The following ANGPT2 variants were observed in gnomAD, a reference collection of about 807,000 sequenced individuals.
ANGPT2 encodes the protein angiopoietin 2.
ANGPT2 carries 28 observed loss-of-function variants against 62.9 expected under a neutral mutation model. That is an observed-to-expected ratio of 0.44 (90% CI 0.33 to 0.61). The LOEUF (loss-of-function observed/expected upper bound fraction) is 0.61. ANGPT2 is among the 20% of genes least tolerant of loss of function. The pLI, the probability that ANGPT2 is intolerant of heterozygous loss-of-function variation, is 0.03. For synonymous variants in ANGPT2, 284 were observed against 207.8 expected (o/e 1.37, Z -3.15); for missense variants, 727 against 594.9 (o/e 1.22, Z -2.31).
chr8:6,505,255 A>ATATAGAATATATATATATATTAT (rs1813131542), intron 8 of ANGPT2, among the ~76,000 whole-genome samples: 1 of 21,220 alleles, frequency 4.7e-5, no homozygotes, highest in Admixed American at 7.6e-4. Flanking sequence ...TATTCTTTAT[A>ATATAGAATATATATATATATTAT]TATGTTTTAT....
At chr8:6,522,144 G>A (rs2515446) in intron 3 of ANGPT2, among the ~76,000 whole-genome samples, 65,457 of 151,706 alleles carry the variant, frequency 0.43, 14,324 homozygotes, top group Middle Eastern at 0.51. Context: ...TCACGAGGTC[G>A]GGAGATTGAG....
intron 1 of ANGPT2, among the ~76,000 whole-genome samples, chr8:6,562,109 A>C (rs1202592246): frequency 6.6e-6 from 1 of 152,186 alleles, no homozygotes; most frequent in Non-Finnish European, 1.5e-5. Flanking sequence ...GCTTTATTTA[A>C]TTTCCTCTCG....
In ANGPT2 at chr8:6,562,619, C is replaced by A. The variant is rs533029082; in HGVS notation, c.288+28G>T. 6 of 1,242,762 alleles carry A rather than the reference C, an allele frequency of 4.8e-6. No individual in the cohort carries two copies. The African/African-American group carries it at 5.2e-5, about 11-fold the overall frequency. 77.0% of individuals were successfully genotyped at this position (1,242,762 alleles called of 1,614,324 possible). Reference sequence around the variant, plus strand: ...GCCAAGCTGATCTTAATAGCATGTTCACAAAGACAGATGGATTTTTTTCCT... The same window carrying A: ...GCCAAGCTGATCTTAATAGCATGTTAACAAAGACAGATGGATTTTTTTCCT... On this transcript the variant is annotated intron_variant, in intron 1 of 8. Transcript: ENST00000629816.
At position 6,563,008 on chromosome 8, in the gene ANGPT2, C is replaced by T. The variant is rs1047675885; in HGVS notation, c.-74G>A. 3 of 1,484,848 alleles carry T rather than the reference C, an allele frequency of 2.0e-6. No individual in the cohort carries two copies. The highest frequency in any genetic ancestry group is 4.0e-5 in the Admixed American group (2 of 49,708). The allele number at this position is 1,484,848 out of a possible 1,614,324, so 92.0% of individuals were successfully genotyped here. ...CACGTCCAGAGTCCCGAGCTGCTGC[C>T]GTCTAAAACGCAGGGCTGCTACGCT... On this transcript the variant is annotated 5_prime_UTR_variant, in exon 1 of 9. Transcript: ENST00000629816.
At chr8:6,513,524 A>G (rs541842693) in intron 7 of ANGPT2, among the ~76,000 whole-genome samples, 154 bp downstream of exon 7, 34 of 152,128 alleles carry the variant, frequency 2.2e-4, no homozygotes, top group Middle Eastern at 3.4e-3. Flanking sequence ...TAGTAGAGAC[A>G]GGGTTTCACT....
chr8:6,514,739 T>C lies in ANGPT2; in HGVS notation c.967A>G (p.Ile323Val), dbSNP rs746986153. The C allele has an allele frequency of 5.6e-6, 9 of 1,614,074 alleles. No individual in the cohort carries two copies. Among genetic ancestry groups the C allele is most frequent in the Non-Finnish European group, 6.8e-6 (8 of 1,179,996 alleles). Residue 323 changes from isoleucine (I) to valine (V), a missense_variant, in exon 6 of 9, where the codon ATT becomes GTT. By Grantham distance (29) the Ile-to-Val change is conservative. Transcript: ENST00000629816. ...DMEAGGGGWT[I>V]IQRREDGSVD... ...CTGCCATCCTCACGTCGCTGAATAA[T>C]TGTCCACCCGCCTCCTCCAGCTTCC...
rs1301215423 is a variant in ANGPT2 at position 6,500,264 on chromosome 8, A to T, written c.*2837T>A. Reference sequence around the variant, plus strand: ...TAATGTTTTTACTGTTAATAGAAATAGAACTGATAGGTATAAAGATTATGG... The same window carrying T: ...TAATGTTTTTACTGTTAATAGAAATTGAACTGATAGGTATAAAGATTATGG... On this transcript the variant is annotated 3_prime_UTR_variant, in exon 9 of 9. Transcript: ENST00000629816. The T allele has an allele frequency of 3.1e-6, 1 of 318,222 alleles. No homozygotes were observed. The highest frequency in any genetic ancestry group is 6.1e-6 in the Non-Finnish European group (1 of 164,978). The allele number at this position is 318,222 out of a possible 1,614,324, so 19.7% of individuals were successfully genotyped here.
chr8:6,538,894 G>C (rs573020487), intron 1 of ANGPT2, among the ~76,000 whole-genome samples: 2 of 152,294 alleles, frequency 1.3e-5, no homozygotes, highest in African/African-American at 4.8e-5. Context: ...TAAATCCAGG[G>C]ATATTCTATT....
chr8:6,520,510 C>G (rs550377859), intron 4 of ANGPT2, among the ~76,000 whole-genome samples: 1 of 152,262 alleles, frequency 6.6e-6, no homozygotes, highest in South Asian at 2.1e-4. Flanking sequence ...ATTCTCCTAC[C>G]TCAGCCTCCC....
At chr8:6,543,496 G>C (rs7841269) in intron 1 of ANGPT2, among the ~76,000 whole-genome samples, 32,368 of 151,938 alleles carry the variant, frequency 0.21, 3,529 homozygotes, top group Non-Finnish European at 0.24. Flanking sequence ...ATGTGCGTGG[G>C]TCGTGGGGAG....
In ANGPT2 at chr8:6,505,306, T is replaced by A. The variant is rs545643400; in HGVS notation, c.1328-2045A>T. On this transcript the variant is annotated intron_variant, in intron 8 of 8. Transcript: ENST00000629816. ...TATATGTTATATACATATATATGTA[T>A]ATAACATATATATGTTATATACATA... 1.1e-4 allele frequency among the ~76,000 whole-genome samples: 6 copies of A among 55,130 alleles called. 2 individuals are homozygous for A. Among genetic ancestry groups the A allele is most frequent in the African/African-American group, 5.5e-4 (6 of 10,812 alleles). 36.2% of individuals were successfully genotyped at this position (55,130 alleles called of 152,430 possible).
chr8:6,550,872 G>A (rs1443050329), intron 1 of ANGPT2, among the ~76,000 whole-genome samples: 1 of 152,152 alleles, frequency 6.6e-6, no homozygotes, highest in African/African-American at 2.4e-5. Flanking sequence ...CACAGTGATG[G>A]TCAGCAGCGT....
chr8:6,557,277 T>G (rs1292590641), intron 1 of ANGPT2, among the ~76,000 whole-genome samples: 1 of 152,122 alleles, frequency 6.6e-6, no homozygotes, highest in Non-Finnish European at 1.5e-5. Context: ...GCATGCCCCG[T>G]GTTTATAAGG....
intron 1 of ANGPT2, among the ~76,000 whole-genome samples, chr8:6,537,630 T>C (rs1820750690): frequency 6.6e-6 from 1 of 151,964 alleles, no homozygotes; most frequent in South Asian, 2.1e-4. Flanking sequence ...CCCACAACGT[T>C]TTGAATGATC....
At chr8:6,509,424 G>C (rs996805234) in intron 7 of ANGPT2, among the ~76,000 whole-genome samples, 1 of 152,330 alleles carries the variant, frequency 6.6e-6, no homozygotes, top group Admixed American at 6.5e-5. Context: ...TAGAGACGGA[G>C]TCCTGAGACA....
chr8:6,536,709 T>C (rs996762171), intron 1 of ANGPT2, among the ~76,000 whole-genome samples: 1 of 152,190 alleles, frequency 6.6e-6, no homozygotes, highest in Non-Finnish European at 1.5e-5. Context: ...TAATGTAGCC[T>C]TTCCATAAAT....
intron 1 of ANGPT2, among the ~76,000 whole-genome samples, chr8:6,544,120 C>T (rs2442597): frequency 0.94 from 143,384 of 152,324 alleles, 67,923 homozygotes; most frequent in Non-Finnish European, 1. Context: ...GTTTTCCAAA[C>T]ATAACTTTTA....
At chr8:6,519,831 C>G in intron 5 of ANGPT2, 33 bp downstream of exon 5, 1 of 1,610,060 alleles carries the variant, frequency 6.2e-7, no homozygotes, top group South Asian at 1.1e-5. Context: ...TGCCTAGAGC[C>G]AGGGAGTTAG....
intron 8 of ANGPT2, among the ~76,000 whole-genome samples, chr8:6,507,134 G>A (rs1300407268): frequency 6.6e-6 from 1 of 152,178 alleles, no homozygotes; most frequent in East Asian, 1.9e-4. Context: ...CTGACCTCAG[G>A]TGATCCATCC....
Sources: allele counts gnomAD v4.1 joint callset (sites outside exome capture counted in the v4.1 genomes callset), GRCh38; gene constraint gnomAD v4.1.1; transcripts MANE v1.5; gene names NCBI Gene and HGNC (gene_info 2026-07-23, HGNC 2026-07-21).